The following PPM1L variants were observed in gnomAD, a reference collection of about 807,000 sequenced individuals.
PPM1L encodes the protein protein phosphatase 1L.
PPM1L carries 13 observed loss-of-function variants against 31.4 expected under a neutral mutation model. The ratio of observed to expected loss-of-function variants is 0.41; its 90% CI spans 0.27 to 0.66. The LOEUF is 0.66. Ranked by LOEUF, PPM1L falls within the 30% of genes least tolerant of loss-of-function variation. The pLI is 0.29. For missense variants in PPM1L, 326 were observed against 453.7 expected, an observed-to-expected ratio of 0.72 and a Z score of 2.56; for synonymous variants, 184 against 175.4, an observed-to-expected ratio of 1.05 and a Z score of -0.39.
chr3:160,964,153 G>A (rs1046240958), intron 2 of PPM1L, among the ~76,000 whole-genome samples: 1 of 151,940 alleles, frequency 6.6e-6, no homozygotes, highest in Non-Finnish European at 1.5e-5. Flanking sequence ...TTAAACCAGT[G>A]TAAAGTACAG....
rs373620591 is a variant in PPM1L, at chr3:160,961,753, A to C, written c.417A>C (p.Val139=). ...GHGGETAAEY[V]KSRLPEALKQ... ...ATCTGCAGACTGCAGCTGAATATGT[A>C]AAATCTCGACTCCCAGAGGCCCTTA... The change falls in exon 2 of 4, where the codon GTA becomes GTC. Residue 139 remains valine (V), a synonymous_variant. Transcript: ENST00000498165. 33 of 1,586,470 alleles carry C rather than the reference A, an allele frequency of 2.1e-5. No individual in the cohort carries two copies. The highest frequency in any genetic ancestry group is 2.7e-5 in the Non-Finnish European group (32 of 1,170,866).
At chr3:161,016,169 T>TA (rs1718082540) in intron 2 of PPM1L, among the ~76,000 whole-genome samples, 1 of 152,228 alleles carries the variant, frequency 6.6e-6, no homozygotes, top group African/African-American at 2.4e-5. Context: ...GCTTTGCTGA[T>TA]ACTGCCGTTC....
chr3:160,803,929 A>AT (rs1712514841), intron 1 of PPM1L, among the ~76,000 whole-genome samples: 1 of 152,018 alleles, frequency 6.6e-6, no homozygotes, highest in South Asian at 2.1e-4. Flanking sequence ...TTATTTATTC[A>AT]TTTTTTGAGA....
chr3:160,960,269 T>C (rs147861416), intron 1 of PPM1L, among the ~76,000 whole-genome samples: 8 of 152,272 alleles, frequency 5.3e-5, no homozygotes, highest in Non-Finnish European at 1.2e-4. Flanking sequence ...TGAGGTACAG[T>C]TTGATGTTTC....
chr3:160,839,697 A>G (rs933039651), intron 1 of PPM1L, among the ~76,000 whole-genome samples: 4 of 152,172 alleles, frequency 2.6e-5, no homozygotes, highest in African/African-American at 9.7e-5. Flanking sequence ...TAATAAATTG[A>G]CATTCTAGCA....
At chr3:160,910,240 CTTTCCT>C (rs1457388469) in intron 1 of PPM1L, among the ~76,000 whole-genome samples, 8 of 53,942 alleles carry the variant, frequency 1.5e-4, no homozygotes, top group East Asian at 6.1e-4. Flanking sequence ...TCCCCTTCCC[CTTTCCT>C]TTCCCCTTCC....
At chr3:160,856,984 C>T (rs1023679918) in intron 1 of PPM1L, among the ~76,000 whole-genome samples, 1 of 152,040 alleles carries the variant, frequency 6.6e-6, no homozygotes, top group Admixed American at 6.6e-5. Flanking sequence ...AAACTTCTTT[C>T]CAGAAGTATA....
At position 160,756,752 on chromosome 3, in the gene PPM1L, C is replaced by CGTGTGTGTGTGTGTGTGTGTGTGT. The variant is rs113273287; in HGVS notation, c.399+60_399+83dup. The CGTGTGTGTGTGTGTGTGTGTGTGT allele has an allele frequency of 6.9e-6, 7 of 1,016,704 alleles. No individual in the cohort carries two copies. Among genetic ancestry groups the CGTGTGTGTGTGTGTGTGTGTGTGT allele is most frequent in the African/African-American group, 3.6e-5 (2 of 55,394 alleles). The allele number at this position is 1,016,704 out of a possible 1,614,324, so 63.0% of individuals were successfully genotyped here. A position where few individuals can be genotyped will look rare whatever the true frequency, so the allele number is the denominator to read the frequency against. ...TTTGTATTTGTGTCCGTGTATGTCTCGTGTGTGTGTGTGTGTGTGTGTGTG... is the reference window on the plus strand; with the variant it reads ...TTTGTATTTGTGTCCGTGTATGTCTCGTGTGTGTGTGTGTGTGTGTGTGTGTGTGTGTGTGTGTGTGTGTGTGTG... On this transcript the variant is annotated intron_variant, in intron 1 of 3. Coordinates refer to ENST00000498165, the MANE Select transcript of PPM1L (RefSeq NM_139245.4). The surrounding 1 kb of genome is among the most constrained non-coding windows in gnomAD (Gnocchi z 6.2).
intron 2 of PPM1L, among the ~76,000 whole-genome samples, chr3:160,992,374 G>A (rs11922025): frequency 9.9e-5 from 15 of 152,122 alleles, no homozygotes; most frequent in African/African-American, 2.9e-4. Context: ...TCTCTAAAAC[G>A]GAGATAATGA....
At chr3:160,997,631 T>C (rs1451389241) in intron 2 of PPM1L, among the ~76,000 whole-genome samples, 1 of 152,170 alleles carries the variant, frequency 6.6e-6, no homozygotes, top group Non-Finnish European at 1.5e-5. Flanking sequence ...CTTGTTGTCC[T>C]CTTAAAGATA....
intron 1 of PPM1L, among the ~76,000 whole-genome samples, chr3:160,801,555 C>T (rs1167450649): frequency 6.6e-6 from 1 of 152,182 alleles, no homozygotes. Flanking sequence ...TGTTTGTTCC[C>T]ATGTGCCAGG....
intron 1 of PPM1L, among the ~76,000 whole-genome samples, chr3:160,943,843 T>C (rs1715234514): frequency 6.6e-6 from 1 of 152,172 alleles, no homozygotes; most frequent in Non-Finnish European, 1.5e-5. Flanking sequence ...TCATGTTGAC[T>C]TATTTAGTGA....
At chr3:160,872,966 G>C (rs1449354358) in intron 1 of PPM1L, among the ~76,000 whole-genome samples, 1 of 152,178 alleles carries the variant, frequency 6.6e-6, no homozygotes, top group Non-Finnish European at 1.5e-5. Flanking sequence ...TACTGTTTAT[G>C]ATGTGAGGAA....
At chr3:160,800,015 A>C (rs1712376850) in intron 1 of PPM1L, among the ~76,000 whole-genome samples, 1 of 152,198 alleles carries the variant, frequency 6.6e-6, no homozygotes, top group African/African-American at 2.4e-5. Context: ...TTTGGTAGTC[A>C]ATAAACATTT....
At chr3:160,771,543 CTTTT>C (rs745978148) in intron 1 of PPM1L, among the ~76,000 whole-genome samples, 2,175 of 77,332 alleles carry the variant, frequency 0.028, 75 homozygotes, top group African/African-American at 0.095. Flanking sequence ...AAGGCTGGCT[CTTTT>C]TTTTTTTTTT....
At chr3:160,771,322 T>A (rs1304023003) in intron 1 of PPM1L, among the ~76,000 whole-genome samples, 1 of 151,178 alleles carries the variant, frequency 6.6e-6, no homozygotes, top group Admixed American at 6.6e-5. Context: ...AGTGGTGAGA[T>A]CTCGGCTCAC....
chr3:161,009,783 G>A (rs1002718940), intron 2 of PPM1L, among the ~76,000 whole-genome samples: 4 of 152,108 alleles, frequency 2.6e-5, no homozygotes, highest in African/African-American at 9.7e-5. Flanking sequence ...AGGACCAGCT[G>A]TAAGTTATAT....
Position 161,078,276 on chromosome 3 carries a change from C to G in PPM1L, c.*9119C>G, listed in dbSNP as rs1240535998. ...GGAACAGTATAATGTCTCAGAAGTT[C>G]TTCTCTCTTATCCTGCTGATGTTGA... On this transcript the variant is annotated 3_prime_UTR_variant, in exon 4 of 4. Transcript: ENST00000498165. 6.6e-6 allele frequency: 1 copy of G among 152,114 alleles called. No homozygotes were observed. Among genetic ancestry groups the G allele is most frequent in the East Asian group, 1.9e-4 (1 of 5,192 alleles). The allele number at this position is 152,114 out of a possible 1,614,324, so 9.4% of individuals were successfully genotyped here.
intron 2 of PPM1L, among the ~76,000 whole-genome samples, chr3:161,015,879 C>G (rs969721590): frequency 6.6e-6 from 1 of 152,078 alleles, no homozygotes; most frequent in South Asian, 2.1e-4. Context: ...TAATCTGACT[C>G]TAGTGTTTGC....
Sources: allele counts gnomAD v4.1 joint callset (sites outside exome capture counted in the v4.1 genomes callset), GRCh38; gene constraint gnomAD v4.1.1; non-coding constraint Gnocchi (gnomAD v3.1); transcripts MANE v1.5; gene names NCBI Gene and HGNC (gene_info 2026-07-23, HGNC 2026-07-21).